The following ENTREP2 variants were observed in gnomAD, a reference collection of about 807,000 sequenced individuals.
ENTREP2 encodes the protein protein ENTREP2.
chr15:29,407,511 G>C, the ENTREP2 span, among the ~76,000 whole-genome samples: 4 of 152,162 alleles, frequency 2.6e-5, no homozygotes, highest in Non-Finnish European at 5.9e-5. Flanking sequence ...CAAGAAAACA[G>C]AGGCTCTAGC....
the ENTREP2 span, among the ~76,000 whole-genome samples, chr15:29,555,937 G>T: frequency 5.3e-5 from 8 of 152,158 alleles, no homozygotes; most frequent in African/African-American, 1.9e-4. Flanking sequence ...CTCCCGCATG[G>T]GTAGGACAGC....
the ENTREP2 span, among the ~76,000 whole-genome samples, chr15:29,606,775 T>C: frequency 6.6e-6 from 1 of 152,122 alleles, no homozygotes; most frequent in African/African-American, 2.4e-5. Context: ...GGATATATCT[T>C]GACAGCAGTC....
the ENTREP2 span, among the ~76,000 whole-genome samples, chr15:29,246,852 T>A: frequency 7.2e-6 from 1 of 139,532 alleles, no homozygotes; most frequent in Non-Finnish European, 1.6e-5. Context: ...AGAGAAGACC[T>A]CCAAGTGCTG....
the ENTREP2 span, among the ~76,000 whole-genome samples, chr15:29,336,774 C>G: frequency 6.6e-6 from 1 of 152,144 alleles, no homozygotes; most frequent in Non-Finnish European, 1.5e-5. Context: ...AGGCAGCTCT[C>G]CCTGGCCCAC....
chr15:29,563,520 T>C, the ENTREP2 span, among the ~76,000 whole-genome samples: 5 of 152,348 alleles, frequency 3.3e-5, no homozygotes, highest in South Asian at 6.2e-4. Flanking sequence ...TCTAGCCATA[T>C]CTTTTGTAGT....
At chr15:29,371,028 GTCA>G in the ENTREP2 span, among the ~76,000 whole-genome samples, 17 of 151,724 alleles carry the variant, frequency 1.1e-4, no homozygotes, top group East Asian at 5.8e-4. Flanking sequence ...TACTGTCGTT[GTCA>G]TCATCATCAT....
At chr15:29,221,202 CACT>C in the ENTREP2 span, among the ~76,000 whole-genome samples, 1 of 151,550 alleles carries the variant, frequency 6.6e-6, no homozygotes, top group South Asian at 2.1e-4. Flanking sequence ...ATGCAAATGA[CACT>C]TTTTTTTTTT....
chr15:29,384,784 G>A, the ENTREP2 span, among the ~76,000 whole-genome samples: 1 of 151,622 alleles, frequency 6.6e-6, no homozygotes, highest in African/African-American at 2.4e-5. Context: ...CTCAGCCCCC[G>A]ACTCTTCTTA....
At chr15:29,367,193 T>A in the ENTREP2 span, among the ~76,000 whole-genome samples, 1 of 152,174 alleles carries the variant, frequency 6.6e-6, no homozygotes, top group Non-Finnish European at 1.5e-5. Flanking sequence ...CCTAGTCCCA[T>A]CCTCCATTCC....
the ENTREP2 span, chr15:29,268,866 C>G: frequency 3.1e-6 from 5 of 1,613,986 alleles, no homozygotes; most frequent in Non-Finnish European, 4.2e-6. Context: ...CACAGTACTG[C>G]GCTGGCCAGT....
the ENTREP2 span, chr15:29,381,767 C>A: frequency 3.9e-6 from 6 of 1,550,644 alleles, no homozygotes; most frequent in African/African-American, 8.2e-5. Flanking sequence ...GACGCAGGTG[C>A]CACTTACCAC....
chr15:29,397,416 AG>A, the ENTREP2 span, among the ~76,000 whole-genome samples: 3 of 152,152 alleles, frequency 2.0e-5, no homozygotes, highest in African/African-American at 7.2e-5. Flanking sequence ...AAATTTACTC[AG>A]AAAAACACCT....
At chr15:29,621,002 A>G in the ENTREP2 span, among the ~76,000 whole-genome samples, 5 of 152,236 alleles carry the variant, frequency 3.3e-5, no homozygotes, top group South Asian at 6.2e-4. Context: ...GTGGACTCTC[A>G]GGGTCTCATC....
At chr15:29,344,380 A>C in the ENTREP2 span, among the ~76,000 whole-genome samples, 2 of 152,238 alleles carry the variant, frequency 1.3e-5, no homozygotes, top group Non-Finnish European at 2.9e-5. Flanking sequence ...CTCAAACCCT[A>C]AACATATGTA....
the ENTREP2 span, among the ~76,000 whole-genome samples, chr15:29,262,950 G>T: frequency 6.6e-6 from 1 of 152,204 alleles, no homozygotes; most frequent in Non-Finnish European, 1.5e-5. Context: ...CTACACATTT[G>T]ATCACAGAAG....
chr15:29,215,576 TAA>T, the ENTREP2 span, among the ~76,000 whole-genome samples: 3 of 113,592 alleles, frequency 2.6e-5, no homozygotes, highest in South Asian at 1.1e-3. Context: ...CAAATATATA[TAA>T]TATATATATA....
the ENTREP2 span, among the ~76,000 whole-genome samples, chr15:29,359,874 T>C: frequency 1.3e-5 from 2 of 152,310 alleles, no homozygotes; most frequent in Admixed American, 1.3e-4. Flanking sequence ...AAAATCAGGG[T>C]AAAATAAAAT....
the ENTREP2 span, among the ~76,000 whole-genome samples, chr15:29,128,479 C>T: frequency 7.2e-5 from 11 of 152,114 alleles, no homozygotes; most frequent in South Asian, 4.2e-4. Flanking sequence ...TAGATGGAGT[C>T]GTGCTCTTCT....
chr15:29,311,292 T>C, the ENTREP2 span, among the ~76,000 whole-genome samples: 4 of 152,236 alleles, frequency 2.6e-5, no homozygotes, highest in African/African-American at 9.6e-5. Context: ...AGTCTGATCG[T>C]TTCTGGATGG....
Sources: allele counts gnomAD v4.1 joint callset (sites outside exome capture counted in the v4.1 genomes callset), GRCh38; gene constraint gnomAD v4.1.1; transcripts MANE v1.5; gene names NCBI Gene and HGNC (gene_info 2026-07-23, HGNC 2026-07-21).